The following KIAA1217 variants were observed in gnomAD, a reference collection of about 807,000 sequenced individuals.
The protein encoded by KIAA1217 is KIAA1217.
Under a neutral mutation model 163.9 loss-of-function variants are expected in KIAA1217, and 88 were observed. The ratio of observed to expected loss-of-function variants is 0.54; its 90% CI spans 0.45 to 0.64. The LOEUF (loss-of-function observed/expected upper bound fraction) is 0.64, where lower values mean the gene tolerates loss of function less well. KIAA1217 is among the 30% of genes least tolerant of loss of function. The pLI is 0.00. For synonymous variants in KIAA1217, 903 were observed against 923.1 expected (o/e 0.98, Z 0.39); for missense variants, 2,372 against 2,475.0 (o/e 0.96, Z 0.88).
intron 1 of KIAA1217, among the ~76,000 whole-genome samples, chr10:23,700,580 A>G (rs74122365): frequency 2.0e-5 from 3 of 152,088 alleles, no homozygotes; most frequent in South Asian, 4.2e-4. Flanking sequence ...TTTCTCTACA[A>G]CTTCCCTCTT....
chr10:23,922,358 G>A (rs1842881756), intron 1 of KIAA1217, among the ~76,000 whole-genome samples: 1 of 152,166 alleles, frequency 6.6e-6, no homozygotes, highest in Admixed American at 6.5e-5. Flanking sequence ...TAATAAACCA[G>A]TAAATGTAAG....
chr10:24,290,734 C>G (rs974493335), intron 2 of KIAA1217, among the ~76,000 whole-genome samples: 1 of 151,814 alleles, frequency 6.6e-6, no homozygotes, highest in Non-Finnish European at 1.5e-5. Flanking sequence ...TCCCAAGTAG[C>G]TGGGGTTACA....
intron 6 of KIAA1217, chr10:24,482,604 C>T (rs977863472): frequency 6.6e-6 from 1 of 152,156 alleles, no homozygotes; most frequent in African/African-American, 2.4e-5. Context: ...CTGGCGGAAA[C>T]CATGGAGATT....
At chr10:24,220,044 T>G (rs1332237510) in intron 2 of KIAA1217, 135 bp downstream of exon 2, 4 of 947,014 alleles carry the variant, frequency 4.2e-6, no homozygotes, top group South Asian at 5.3e-5. Flanking sequence ...TCTGGATTTC[T>G]TTGGGGCCTT....
chr10:23,963,548 C>T (rs11013815), intron 1 of KIAA1217, among the ~76,000 whole-genome samples: 1 of 152,158 alleles, frequency 6.6e-6, no homozygotes, highest in South Asian at 2.1e-4. Flanking sequence ...CAAGACTTTG[C>T]TATTGTGAAC....
At chr10:24,502,398 C>T (rs1283288710) in intron 9 of KIAA1217, among the ~76,000 whole-genome samples, 4 of 152,026 alleles carry the variant, frequency 2.6e-5, no homozygotes, top group Admixed American at 2.0e-4. Context: ...GTGATCCATC[C>T]GTTCCTTGCT....
At chr10:24,195,069 G>T (rs774326991) in intron 2 of KIAA1217, among the ~76,000 whole-genome samples, 3 of 152,034 alleles carry the variant, frequency 2.0e-5, no homozygotes, top group Non-Finnish European at 2.9e-5. Flanking sequence ...ACCCTGGGTG[G>T]GCTGTATTCT....
At chr10:24,198,328 G>T (rs936237501) in intron 2 of KIAA1217, among the ~76,000 whole-genome samples, 2 of 152,168 alleles carry the variant, frequency 1.3e-5, no homozygotes, top group Non-Finnish European at 2.9e-5. Flanking sequence ...TGGGATACTG[G>T]GTGGGCGTGG....
intron 2 of KIAA1217, among the ~76,000 whole-genome samples, chr10:24,278,505 T>C (rs2077549953): frequency 1.3e-5 from 2 of 152,170 alleles, no homozygotes; most frequent in South Asian, 4.1e-4. Flanking sequence ...ATCGAAAGCA[T>C]GTGGCAAGTG....
intron 5 of KIAA1217, among the ~76,000 whole-genome samples, chr10:24,440,266 G>A (rs1312275322): frequency 1.3e-5 from 2 of 152,216 alleles, no homozygotes; most frequent in East Asian, 3.8e-4. Flanking sequence ...CATGCCAATC[G>A]TGAAGCATGG....
At position 24,210,934 on chromosome 10, in the gene KIAA1217, C is replaced by T. The variant is rs550277710; in HGVS notation, c.70+1671C>T. On this transcript the variant is annotated intron_variant, in intron 1 of 20. Coordinates refer to ENST00000376454, the MANE Select transcript of KIAA1217 (RefSeq NM_019590.5). The stretch of plus-strand genomic sequence containing the variant: ...CAGCTAAATTTGAATTTCAGGTAAA[C>T]GGTGAATTTTTTTTTTTTTAGTATA... 1.9e-3 allele frequency among the ~76,000 whole-genome samples: 266 copies of T among 140,110 alleles called. 2 individuals carry two copies. The highest frequency in any genetic ancestry group is 7.2e-3 in the African/African-American group (256 of 35,548). 91.9% of individuals were successfully genotyped at this position (140,110 alleles called of 152,430 possible). A position where few individuals can be genotyped will look rare whatever the true frequency, so the allele number is the denominator to read the frequency against.
At chr10:24,381,161 T>A in intron 3 of KIAA1217, 94 bp downstream of exon 3, 1 of 942,632 alleles carries the variant, frequency 1.1e-6, no homozygotes. Context: ...CAACATTAAT[T>A]TGATCTTGAT....
Position 24,004,210 on chromosome 10 carries a change from C to G in KIAA1217, c.-320-3015C>G, listed in dbSNP as rs60172522. The stretch of plus-strand genomic sequence containing the variant: ...GTCAGGCTGGTCTCGAAATCCTGAA[C>G]TCATGATCCACCCACCTCAGCCTCC... On this transcript the variant is annotated intron_variant, in intron 1 of 18. Transcript: ENST00000376462. 5.2e-3 allele frequency among the ~76,000 whole-genome samples: 794 copies of G among 152,258 alleles called. 5 individuals carry two copies. The highest frequency in any genetic ancestry group is 0.018 in the African/African-American group (751 of 41,550).
chr10:23,818,349 A>ATATAT (rs1488592375), intron 1 of KIAA1217, among the ~76,000 whole-genome samples: 1 of 126,854 alleles, frequency 7.9e-6, no homozygotes, highest in African/African-American at 3.2e-5. Flanking sequence ...TATATATAAA[A>ATATAT]AAATATATAT....
intron 1 of KIAA1217, among the ~76,000 whole-genome samples, chr10:23,966,880 T>C (rs1346875828): frequency 6.6e-6 from 1 of 152,230 alleles, no homozygotes; most frequent in East Asian, 1.9e-4. Flanking sequence ...GTTTTGGTTT[T>C]AATCTCTGCA....
intron 1 of KIAA1217, among the ~76,000 whole-genome samples, chr10:23,766,587 C>CTTTTTTTTTTTTTT (rs766892555): frequency 1.5e-5 from 2 of 133,758 alleles, no homozygotes; most frequent in African/African-American, 6.0e-5. Context: ...TTCTTTCTTT[C>CTTTTTTTTTTTTTT]TTTTTTCTTT....
intron 1 of KIAA1217, among the ~76,000 whole-genome samples, chr10:23,996,672 T>G (rs573615209): frequency 6.6e-6 from 1 of 152,348 alleles, no homozygotes; most frequent in African/African-American, 2.4e-5. Context: ...TAATTGGAAC[T>G]AATACTAATC....
chr10:24,066,135 C>A (rs2060935291), intron 2 of KIAA1217, among the ~76,000 whole-genome samples: 1 of 152,098 alleles, frequency 6.6e-6, no homozygotes, highest in South Asian at 2.1e-4. Flanking sequence ...GCATTTAGCC[C>A]ATTTACATTT....
At chr10:24,386,666 C>G (rs2054052507) in intron 3 of KIAA1217, among the ~76,000 whole-genome samples, 1 of 152,152 alleles carries the variant, frequency 6.6e-6, no homozygotes, top group Non-Finnish European at 1.5e-5. Context: ...CTTGAAGTCC[C>G]TGACTCAAGC....
Sources: gnomAD v4.1 joint callset for allele counts (sites outside exome capture counted in the v4.1 genomes callset) on GRCh38, gnomAD v4.1.1 for gene constraint, MANE v1.5 for transcripts, NCBI Gene and HGNC (gene_info 2026-07-23, HGNC 2026-07-21) for gene names.